The following GRM5 variants were observed in gnomAD, a reference collection of about 807,000 sequenced individuals.
GRM5 encodes glutamate metabotropic receptor 5, also known as metabotropic glutamate receptor 5.
A neutral mutation model predicts 83.1 loss-of-function variants in GRM5; 19 were observed. That is an observed-to-expected ratio of 0.23 (90% confidence interval 0.16 to 0.34). GRM5 has a LOEUF of 0.34. GRM5 is among the 10% of genes least tolerant of loss of function. GRM5 has a pLI of 1.00. For missense variants in GRM5, 1,160 were observed against 1,588.3 expected, an observed-to-expected ratio of 0.73 and a Z score of 4.58; for synonymous variants, 675 against 633.6, an observed-to-expected ratio of 1.07 and a Z score of -0.98.
At chr11:88,753,819 T>C (rs1591490222) in intron 3 of GRM5, among the ~76,000 whole-genome samples, 1 of 152,242 alleles carries the variant, frequency 6.6e-6, no homozygotes, top group African/African-American at 2.4e-5. Flanking sequence ...TCCACATGGC[T>C]GAGGAGGCCT....
At chr11:88,554,990 C>T (rs1156822249) in intron 8 of GRM5, among the ~76,000 whole-genome samples, 3 of 152,120 alleles carry the variant, frequency 2.0e-5, no homozygotes, top group Admixed American at 6.6e-5. Context: ...CAATTACCCA[C>T]TTGACATATC....
chr11:88,505,912 C>G lies in GRM5; in HGVS notation c.*2680G>C, dbSNP rs544356202. 1 of 152,228 alleles carries G rather than the reference C, an allele frequency of 6.6e-6. No homozygotes were observed. The highest frequency in any genetic ancestry group is 1.9e-4 in the East Asian group (1 of 5,186). 9.4% of individuals were successfully genotyped at this position (152,228 alleles called of 1,614,324 possible). On this transcript the variant is annotated 3_prime_UTR_variant, in exon 10 of 10. Transcript: ENST00000305447. Reference sequence around the variant, plus strand: ...AGCCCTAGAATGAATATTCAGTTCTCTTTGTACTGTAGAGTTATTACTTGG... The same window carrying G: ...AGCCCTAGAATGAATATTCAGTTCTGTTTGTACTGTAGAGTTATTACTTGG...
At chr11:88,778,607 TTA>T (rs567282349) in intron 3 of GRM5, among the ~76,000 whole-genome samples, 1 of 152,214 alleles carries the variant, frequency 6.6e-6, no homozygotes, top group Non-Finnish European at 1.5e-5. Context: ...CTCTTCATTT[TTA>T]TGTTGTTATT....
At chr11:88,622,156 G>T (rs1219898462) in intron 4 of GRM5, among the ~76,000 whole-genome samples, 2 of 152,106 alleles carry the variant, frequency 1.3e-5, no homozygotes, top group African/African-American at 4.8e-5. Context: ...TTCAAAGGTA[G>T]CCATTAAAGA....
intron 2 of GRM5, among the ~76,000 whole-genome samples, chr11:88,888,927 C>T (rs1945091481): frequency 6.6e-6 from 1 of 152,166 alleles, no homozygotes; most frequent in South Asian, 2.1e-4. Context: ...TGCTTCTTGT[C>T]CTTGGGAACA....
At chr11:88,854,542 T>C (rs1011929156) in intron 2 of GRM5, among the ~76,000 whole-genome samples, 2 of 151,992 alleles carry the variant, frequency 1.3e-5, no homozygotes, top group African/African-American at 4.8e-5. Flanking sequence ...TCTGCCTACA[T>C]TGACCCTATA....
intron 3 of GRM5, among the ~76,000 whole-genome samples, chr11:88,814,759 A>G (rs1206989855): frequency 6.6e-6 from 1 of 152,208 alleles, no homozygotes; most frequent in East Asian, 1.9e-4. Context: ...TAAACAAGCT[A>G]TCAGGCATAC....
chr11:88,776,896 C>A (rs543809713), intron 3 of GRM5, among the ~76,000 whole-genome samples: 1 of 152,222 alleles, frequency 6.6e-6, no homozygotes, highest in South Asian at 2.1e-4. Flanking sequence ...TCAACCTTGG[C>A]AAATCTGACA....
At chr11:88,809,147 G>T (rs936227124) in intron 3 of GRM5, among the ~76,000 whole-genome samples, 4 of 151,942 alleles carry the variant, frequency 2.6e-5, no homozygotes, top group African/African-American at 9.7e-5. Context: ...TAAGAACAAA[G>T]CATTATCTCA....
chr11:89,048,925 G>T (rs1254560110), intron 1 of GRM5, among the ~76,000 whole-genome samples: 1 of 152,148 alleles, frequency 6.6e-6, no homozygotes, highest in Non-Finnish European at 1.5e-5. Context: ...CTATGTGCTA[G>T]GCTGTCCCTT....
At chr11:88,725,870 C>T (rs958225576) in intron 3 of GRM5, among the ~76,000 whole-genome samples, 1 of 151,972 alleles carries the variant, frequency 6.6e-6, no homozygotes, top group Non-Finnish European at 1.5e-5. Context: ...CCACAAAAAA[C>T]TCCATCTGAA....
At chr11:88,855,002 A>C (rs1590915011) in intron 2 of GRM5, among the ~76,000 whole-genome samples, 1 of 152,010 alleles carries the variant, frequency 6.6e-6, no homozygotes. Flanking sequence ...CAGCATAGAC[A>C]AGGTGTACCT....
rs148048331 is a variant in GRM5, at chr11:88,859,737, G to A, written c.662-9582C>T. Among the ~76,000 whole-genome samples, 1,002 of 152,242 alleles carry A rather than the reference G, an allele frequency of 6.6e-3. 8 individuals carry two copies. The highest frequency in any genetic ancestry group is 6.7e-3 in the Non-Finnish European group (454 of 68,002). ...AGTCCTGTGGTTCTTCCAAAGGCCT[G>A]CTACTAAATGTTTCATTTGAAACTA... On this transcript the variant is annotated intron_variant, in intron 2 of 9. Transcript: ENST00000305447.
chr11:88,515,809 T>C (rs1463953494), intron 9 of GRM5, among the ~76,000 whole-genome samples: 2 of 152,350 alleles, frequency 1.3e-5, no homozygotes, highest in Admixed American at 1.3e-4. Flanking sequence ...CATAGCTGTT[T>C]TGTGTCTAGA....
At chr11:88,886,172 C>A (rs1486267729) in intron 2 of GRM5, among the ~76,000 whole-genome samples, 1 of 152,208 alleles carries the variant, frequency 6.6e-6, no homozygotes, top group Non-Finnish European at 1.5e-5. Flanking sequence ...ATAGAGAAAG[C>A]TGTTTCTCTT....
intron 3 of GRM5, among the ~76,000 whole-genome samples, chr11:88,677,120 C>T (rs917479181): frequency 6.6e-6 from 1 of 151,972 alleles, no homozygotes; most frequent in Non-Finnish European, 1.5e-5. Context: ...TGTTAATGTC[C>T]AGTAAAGTTA....
At chr11:88,845,565 C>CT (rs1470705094) in intron 3 of GRM5, among the ~76,000 whole-genome samples, 3 of 151,316 alleles carry the variant, frequency 2.0e-5, no homozygotes, top group Non-Finnish European at 4.4e-5. Flanking sequence ...TCCAGAGTAG[C>CT]TGGGACTACA....
intron 7 of GRM5, among the ~76,000 whole-genome samples, chr11:88,585,242 C>A (rs1355051485): frequency 6.6e-6 from 1 of 152,164 alleles, no homozygotes; most frequent in Non-Finnish European, 1.5e-5. Flanking sequence ...TAGGAAGGTT[C>A]CAGTGTTACA....
At chr11:88,737,387 G>A (rs1941938721) in intron 3 of GRM5, among the ~76,000 whole-genome samples, 1 of 151,948 alleles carries the variant, frequency 6.6e-6, no homozygotes, top group South Asian at 2.1e-4. Context: ...AATCCAGTAG[G>A]TATTCAATGA....
Sources: allele counts gnomAD v4.1 joint callset (sites outside exome capture counted in the v4.1 genomes callset), GRCh38; gene constraint gnomAD v4.1.1; transcripts MANE v1.5; gene names NCBI Gene and HGNC (gene_info 2026-07-23, HGNC 2026-07-21).